The following HIVEP3 variants were observed in gnomAD, a reference collection of about 807,000 sequenced individuals.
HIVEP3 encodes the protein transcription factor HIVEP3.
HIVEP3 carries 49 observed loss-of-function variants against 152.8 expected under a neutral mutation model. The ratio of observed to expected loss-of-function variants is 0.32; its 90% confidence interval spans 0.26 to 0.41. The LOEUF is 0.41. HIVEP3 is among the 10% of genes least tolerant of loss of function. The pLI, the probability that HIVEP3 is intolerant of heterozygous loss-of-function variation, is 1.00. For missense variants in HIVEP3, 2,790 were observed against 3,103.3 expected (o/e 0.90, Z 2.40); for synonymous variants, 1,269 against 1,289.0 (o/e 0.98, Z 0.33).
At chr1:41,536,023 G>C (rs115528579) in intron 5 of HIVEP3, among the ~76,000 whole-genome samples, 169 of 152,238 alleles carry the variant, frequency 1.1e-3, no homozygotes, top group Non-Finnish European at 1.8e-3. Flanking sequence ...TAAGCACAAA[G>C]GAACTCGGCA....
chr1:41,989,504 A>G (rs1645344103), intron 1 of HIVEP3, among the ~76,000 whole-genome samples: 1 of 152,180 alleles, frequency 6.6e-6, no homozygotes, highest in Admixed American at 6.5e-5. Flanking sequence ...TGGTCATGGA[A>G]GGCTTCATTG....
intron 5 of HIVEP3, among the ~76,000 whole-genome samples, chr1:41,556,125 G>A (rs1055478355): frequency 1.3e-5 from 2 of 152,148 alleles, no homozygotes; most frequent in Non-Finnish European, 2.9e-5. Flanking sequence ...CCTGATTTCG[G>A]TATTGGTGGT....
At chr1:41,974,126 G>T (rs955288751) in intron 1 of HIVEP3, among the ~76,000 whole-genome samples, 1 of 152,144 alleles carries the variant, frequency 6.6e-6, no homozygotes, top group East Asian at 1.9e-4. Context: ...AGGAGGGCAG[G>T]GGGTGGAGGT....
intron 1 of HIVEP3, among the ~76,000 whole-genome samples, chr1:41,856,781 A>C (rs2124391864): frequency 6.6e-6 from 1 of 152,234 alleles, no homozygotes; most frequent in South Asian, 2.1e-4. Flanking sequence ...ACGGCGCTGA[A>C]GCTTGGGGGA....
intron 1 of HIVEP3, among the ~76,000 whole-genome samples, chr1:41,761,985 G>A (rs569739727): frequency 1.3e-5 from 2 of 152,288 alleles, no homozygotes; most frequent in East Asian, 3.9e-4. Context: ...TTTCCATTTG[G>A]CGTGCTTTCC....
chr1:41,538,792 A>ACCAGAAGC (rs59800234), intron 5 of HIVEP3, among the ~76,000 whole-genome samples: 5 of 151,692 alleles, frequency 3.3e-5, no homozygotes, highest in African/African-American at 1.2e-4. Flanking sequence ...GCAGGCAGGA[A>ACCAGAAGC]TGGGTTGAAA....
intron 1 of HIVEP3, among the ~76,000 whole-genome samples, chr1:41,789,621 T>C (rs1649569086): frequency 6.6e-6 from 1 of 152,218 alleles, no homozygotes; most frequent in Non-Finnish European, 1.5e-5. Context: ...TGTAAACATA[T>C]TTAAAGAACA....
intron 2 of HIVEP3, among the ~76,000 whole-genome samples, chr1:41,671,451 G>A (rs1645874490): frequency 6.6e-6 from 1 of 152,202 alleles, no homozygotes. Context: ...AGGCACTGGT[G>A]GTGTCCAGAT....
Position 41,583,277 on chromosome 1 carries a change from C to T in HIVEP3, c.1521G>A (p.Glu507=), listed in dbSNP as rs377309977. ...TTTTCTCACTGTGGGATGACAGGGGCTCCCGGTAGAGGCTGGATTTTGGGG... is the reference window on the plus strand; with the variant it reads ...TTTTCTCACTGTGGGATGACAGGGGTTCCCGGTAGAGGCTGGATTTTGGGG... The part of the protein sequence containing the change: ...MESPKSSLYR[E]PLSSHSEKTK... The change falls in exon 4 of 9, where the codon GAG becomes GAA. Residue 507 remains glutamate, a synonymous_variant. Coordinates refer to ENST00000372583, the MANE Select transcript of HIVEP3 (RefSeq NM_024503.5). The surrounding 1 kb of genome is among the most constrained non-coding windows in gnomAD (Gnocchi z 6.9). The T allele has an allele frequency of 6.2e-7, 1 of 1,613,152 alleles. No individual in the cohort carries two copies. Among genetic ancestry groups the T allele is most frequent in the African/African-American group, 1.3e-5 (1 of 74,868 alleles).
At chr1:41,621,694 T>C (rs1645049874) in intron 3 of HIVEP3, among the ~76,000 whole-genome samples, 1 of 152,204 alleles carries the variant, frequency 6.6e-6, no homozygotes, top group African/African-American at 2.4e-5. Context: ...TTTATTTTTC[T>C]AGTTTTTGAG....
intron 3 of HIVEP3, among the ~76,000 whole-genome samples, chr1:41,605,648 G>A (rs1243056826): frequency 6.6e-6 from 1 of 152,080 alleles, no homozygotes; most frequent in Non-Finnish European, 1.5e-5. Context: ...GGGGAGGGAC[G>A]GCTCACCAGC....
chr1:41,592,420 A>C (rs1644601090), intron 3 of HIVEP3, among the ~76,000 whole-genome samples: 1 of 152,200 alleles, frequency 6.6e-6, no homozygotes, highest in Non-Finnish European at 1.5e-5. Context: ...CCAACTGAAA[A>C]ATACTGGCCA....
chr1:41,651,118 C>T (rs965633585), intron 2 of HIVEP3, among the ~76,000 whole-genome samples: 2 of 152,090 alleles, frequency 1.3e-5, no homozygotes, highest in Non-Finnish European at 1.5e-5. Context: ...ATAGTTGGAA[C>T]AAAAATTCCA....
At chr1:41,814,564 T>C (rs191460057) in intron 1 of HIVEP3, among the ~76,000 whole-genome samples, 66 of 152,364 alleles carry the variant, frequency 4.3e-4, no homozygotes, top group Admixed American at 1.0e-3. Context: ...CCATGAATCT[T>C]GCATAACCTG....
intron 1 of HIVEP3, among the ~76,000 whole-genome samples, chr1:41,721,044 G>A (rs963389505): frequency 2.6e-5 from 4 of 152,202 alleles, no homozygotes; most frequent in African/African-American, 4.8e-5. Context: ...CTGGGGGAAC[G>A]GGAAATGGGA....
chr1:41,534,205 C>T (rs1032981893), intron 5 of HIVEP3, among the ~76,000 whole-genome samples: 22 of 152,344 alleles, frequency 1.4e-4, no homozygotes, highest in African/African-American at 5.1e-4. Flanking sequence ...CTTACCACTC[C>T]TTCCAGCCTA....
intron 1 of HIVEP3, among the ~76,000 whole-genome samples, chr1:41,955,723 A>T (rs1332266318): frequency 3.3e-5 from 5 of 152,150 alleles, no homozygotes; most frequent in African/African-American, 7.2e-5. Flanking sequence ...TGAACGTGTG[A>T]CTCAGAGGTT....
chr1:41,511,715 C>T lies in HIVEP3; in HGVS notation c.6406-449G>A, dbSNP rs1428375747. On this transcript the variant is annotated intron_variant, in intron 8 of 8. Transcript: ENST00000372583. The surrounding 1 kb of genome is among the most constrained non-coding windows in gnomAD (Gnocchi z 4.9). Reference sequence around the variant, plus strand: ...TACCTCCAGGAATTTGAATGTGAACCCAAAATTAAAAATCAAGGAAAGATT... The same window carrying T: ...TACCTCCAGGAATTTGAATGTGAACTCAAAATTAAAAATCAAGGAAAGATT... Among the ~76,000 whole-genome samples the T allele has an allele frequency of 1.3e-5, 2 of 152,102 alleles. No individual in the cohort carries two copies. Among genetic ancestry groups the T allele is most frequent in the African/African-American group, 4.8e-5 (2 of 41,390 alleles).
chr1:41,962,988 TA>T (rs1405904546), intron 1 of HIVEP3, among the ~76,000 whole-genome samples: 3 of 152,220 alleles, frequency 2.0e-5, no homozygotes, highest in African/African-American at 7.2e-5. Context: ...CACCTGCAGA[TA>T]TCAAAACCAA....
Sources: gnomAD v4.1 joint callset for allele counts (sites outside exome capture counted in the v4.1 genomes callset) on GRCh38, gnomAD v4.1.1 for gene constraint, Gnocchi (gnomAD v3.1) non-coding constraint, MANE v1.5 for transcripts, NCBI Gene and HGNC (gene_info 2026-07-23, HGNC 2026-07-21) for gene names.